The following MTUS2 variants were observed in gnomAD, a reference collection of about 807,000 sequenced individuals.
MTUS2 encodes microtubule-associated tumor suppressor candidate 2.
A neutral mutation model predicts 114.1 loss-of-function variants in MTUS2; 40 were observed. That is an observed-to-expected ratio of 0.35 (90% CI 0.27 to 0.46). The LOEUF (loss-of-function observed/expected upper bound fraction) is 0.46, where lower values mean the gene tolerates loss of function less well. Ranked by LOEUF, MTUS2 falls within the 20% of genes least tolerant of loss-of-function variation. MTUS2 has a pLI of 1.00. For missense variants in MTUS2, 1,679 were observed against 1,705.4 expected, an observed-to-expected ratio of 0.98 and a Z score of 0.27; for synonymous variants, 688 against 672.0, an observed-to-expected ratio of 1.02 and a Z score of -0.37.
At chr13:28,904,487 C>T (rs923886032) in intron 2 of MTUS2, among the ~76,000 whole-genome samples, 38 of 152,252 alleles carry the variant, frequency 2.5e-4, no homozygotes, top group Non-Finnish European at 5.3e-4. Context: ...GCCAGTTTTC[C>T]CAGCACCATT....
At chr13:29,497,024 T>C (rs998139362) in intron 12 of MTUS2, among the ~76,000 whole-genome samples, 2 of 152,056 alleles carry the variant, frequency 1.3e-5, no homozygotes, top group Non-Finnish European at 1.5e-5. Context: ...GACAAAGCAC[T>C]AAGAAGGAGG....
At chr13:28,918,572 G>GT (rs1322359947) in intron 2 of MTUS2, among the ~76,000 whole-genome samples, 1 of 151,702 alleles carries the variant, frequency 6.6e-6, no homozygotes, top group Non-Finnish European at 1.5e-5. Context: ...GTGAAGTGTG[G>GT]TTTTTTTGTG....
At chr13:29,245,327 G>A (rs934369015) in intron 5 of MTUS2, among the ~76,000 whole-genome samples, 1 of 152,166 alleles carries the variant, frequency 6.6e-6, no homozygotes, top group African/African-American at 2.4e-5. Context: ...TGGAACAGGT[G>A]GCATTTTCCA....
chr13:29,353,041 T>A lies in MTUS2; in HGVS notation c.2906-6221T>A, dbSNP rs577091452. Among the ~76,000 whole-genome samples the A allele has an allele frequency of 3.1e-4, 47 of 152,340 alleles. No individual in the cohort carries two copies. The South Asian group carries it at 9.1e-3, about 30-fold the overall frequency. ...TCTAGTAATTCTGTTATCTGTGTCA[T>A]TTTTTGTCAGTTTCAATTGATTGCA... On this transcript the variant is annotated intron_variant, in intron 7 of 15. Transcript: ENST00000612955.
intron 2 of MTUS2, among the ~76,000 whole-genome samples, chr13:28,936,256 A>T (rs1195575110): frequency 1.4e-4 from 21 of 151,892 alleles, no homozygotes; most frequent in Admixed American, 1.3e-3. Context: ...AGCACCCCCT[A>T]CCCCTGCACC....
chr13:28,939,240 C>G (rs887810829), intron 2 of MTUS2, among the ~76,000 whole-genome samples: 1 of 152,188 alleles, frequency 6.6e-6, no homozygotes, highest in Non-Finnish European at 1.5e-5. Flanking sequence ...AACATTGTGT[C>G]TTTCCTGTCA....
At chr13:29,166,597 A>G (rs1893327061) in intron 5 of MTUS2, among the ~76,000 whole-genome samples, 1 of 152,196 alleles carries the variant, frequency 6.6e-6, no homozygotes, top group South Asian at 2.1e-4. Flanking sequence ...ACATACTTAA[A>G]TGGATAGATT....
chr13:29,212,860 A>G (rs1031417834), intron 5 of MTUS2, among the ~76,000 whole-genome samples: 25 of 152,178 alleles, frequency 1.6e-4, no homozygotes, highest in African/African-American at 6.0e-4. Context: ...AGGCTCCGTC[A>G]CATAGGCATG....
intron 5 of MTUS2, among the ~76,000 whole-genome samples, chr13:29,235,171 A>G (rs1310872554): frequency 6.6e-6 from 1 of 152,082 alleles, no homozygotes; most frequent in Non-Finnish European, 1.5e-5. Flanking sequence ...ATCTCAGCTC[A>G]CCGCAACCTC....
At chr13:28,964,386 G>T (rs1442959096) in intron 2 of MTUS2, among the ~76,000 whole-genome samples, 1 of 152,124 alleles carries the variant, frequency 6.6e-6, no homozygotes, top group South Asian at 2.1e-4. Context: ...GTGATTAAGA[G>T]AAATTTGAAA....
chr13:28,874,481 A>G (rs2138113198), intron 2 of MTUS2, among the ~76,000 whole-genome samples: 1 of 152,268 alleles, frequency 6.6e-6, no homozygotes, highest in Admixed American at 6.5e-5. Context: ...AGGATCTCTC[A>G]GACAGTTGTA....
At chr13:29,264,905 G>C (rs1450667215) in intron 5 of MTUS2, among the ~76,000 whole-genome samples, 1 of 152,232 alleles carries the variant, frequency 6.6e-6, no homozygotes, top group Non-Finnish European at 1.5e-5. Context: ...CATTGCCTTG[G>C]ATATTAGCAC....
At chr13:29,076,174 C>T (rs894343101) in intron 4 of MTUS2, among the ~76,000 whole-genome samples, 1 of 152,204 alleles carries the variant, frequency 6.6e-6, no homozygotes, top group African/African-American at 2.4e-5. Flanking sequence ...CTTCATAAAG[C>T]TTCTTCTGGA....
chr13:28,955,784 T>G (rs1184904306), intron 2 of MTUS2, among the ~76,000 whole-genome samples: 1 of 151,918 alleles, frequency 6.6e-6, no homozygotes, highest in Non-Finnish European at 1.5e-5. Context: ...CAGGGAGAAG[T>G]GCCTGCCTGA....
intron 2 of MTUS2, among the ~76,000 whole-genome samples, chr13:28,976,374 A>G (rs772507943): frequency 3.3e-5 from 5 of 152,230 alleles, no homozygotes; most frequent in Admixed American, 6.5e-5. Flanking sequence ...TGTGATGGCA[A>G]TGGGTGGAAC....
chr13:28,895,975 A>C (rs901780258), intron 2 of MTUS2, among the ~76,000 whole-genome samples: 1 of 152,178 alleles, frequency 6.6e-6, no homozygotes, highest in Non-Finnish European at 1.5e-5. Context: ...GATTAATTTT[A>C]AATCTATTTT....
chr13:29,238,492 T>C (rs1896617344), intron 5 of MTUS2, among the ~76,000 whole-genome samples: 1 of 152,208 alleles, frequency 6.6e-6, no homozygotes, highest in South Asian at 2.1e-4. Flanking sequence ...AAACCACTGA[T>C]GTAAGTCCAA....
At position 28,897,015 on chromosome 13, in the gene MTUS2, C is replaced by T. The variant is rs142666292; in HGVS notation, c.-243+57165C>T. Among the ~76,000 whole-genome samples, 1,275 of 152,250 alleles carry T rather than the reference C, an allele frequency of 8.4e-3. 41 individuals are homozygous for T. The highest frequency in any genetic ancestry group is 0.06 in the East Asian group (309 of 5,178). ...GGGCAAGGACTTCATGTCTAAAACACCAAAAGCAATGGCAACAAAAGCCAA... is the reference window on the plus strand; with the variant it reads ...GGGCAAGGACTTCATGTCTAAAACATCAAAAGCAATGGCAACAAAAGCCAA... On this transcript the variant is annotated intron_variant, in intron 2 of 15. Transcript: ENST00000612955.
At chr13:29,316,964 T>G (rs1352472120) in intron 6 of MTUS2, among the ~76,000 whole-genome samples, 1 of 152,212 alleles carries the variant, frequency 6.6e-6, no homozygotes, top group African/African-American at 2.4e-5. Flanking sequence ...AGTAATGAAT[T>G]GATCAGTGAA....
Sources: allele counts gnomAD v4.1 joint callset (sites outside exome capture counted in the v4.1 genomes callset), GRCh38; gene constraint gnomAD v4.1.1; transcripts MANE v1.5; gene names NCBI Gene and HGNC (gene_info 2026-07-23, HGNC 2026-07-21).